The following LHFPL6 variants were observed in gnomAD, a reference collection of about 807,000 sequenced individuals.
LHFPL6 encodes the protein LHFPL tetraspan subfamily member 6 protein.
Under a neutral mutation model 20.6 loss-of-function variants are expected in LHFPL6, and 9 were observed. That is an observed-to-expected ratio of 0.44 (90% CI 0.26 to 0.76). LHFPL6 has a LOEUF of 0.76. LHFPL6 is among the 30% of genes least tolerant of loss of function. LHFPL6 has a pLI of 0.20. For missense variants in LHFPL6, 218 were observed against 253.5 expected (o/e 0.86, Z 0.95); for synonymous variants, 105 against 98.7 (o/e 1.06, Z -0.38).
chr13:39,578,214 G>A (rs1350590436), intron 2 of LHFPL6, among the ~76,000 whole-genome samples: 2 of 152,222 alleles, frequency 1.3e-5, no homozygotes, highest in East Asian at 1.9e-4. Flanking sequence ...GTAAATGGTT[G>A]AATCAATCAT....
intron 2 of LHFPL6, among the ~76,000 whole-genome samples, chr13:39,533,865 G>A (rs1196276447): frequency 6.6e-6 from 1 of 152,138 alleles, no homozygotes; most frequent in Non-Finnish European, 1.5e-5. Flanking sequence ...TGCCAGTGAA[G>A]AACCCGTATT....
intron 2 of LHFPL6, among the ~76,000 whole-genome samples, chr13:39,533,025 C>T (rs1028014405): frequency 6.6e-6 from 1 of 152,198 alleles, no homozygotes; most frequent in Non-Finnish European, 1.5e-5. Context: ...ACCAACTTTA[C>T]ACTAACCAGT....
intron 2 of LHFPL6, among the ~76,000 whole-genome samples, chr13:39,594,590 C>A (rs1295233728): frequency 5.9e-5 from 9 of 152,114 alleles, no homozygotes; most frequent in Non-Finnish European, 1.0e-4. Flanking sequence ...CTAGAAATAC[C>A]ATTTGACCCA....
At chr13:39,519,688 A>C (rs888574235) in intron 2 of LHFPL6, among the ~76,000 whole-genome samples, 4 of 152,368 alleles carry the variant, frequency 2.6e-5, no homozygotes, top group African/African-American at 7.2e-5. Flanking sequence ...CGAGAATAAA[A>C]GTTACAATCT....
chr13:39,526,783 C>G (rs1359375752), intron 2 of LHFPL6, among the ~76,000 whole-genome samples: 2 of 152,206 alleles, frequency 1.3e-5, no homozygotes, highest in Non-Finnish European at 2.9e-5. Flanking sequence ...CACGTGCAAC[C>G]TCATTTTACA....
At chr13:39,591,222 G>A (rs1429279917) in intron 2 of LHFPL6, among the ~76,000 whole-genome samples, 1 of 152,192 alleles carries the variant, frequency 6.6e-6, no homozygotes, top group Non-Finnish European at 1.5e-5. Context: ...AACTAGATCT[G>A]AGCCTACTCT....
At chr13:39,421,505 G>T (rs1310094673) in intron 2 of LHFPL6, among the ~76,000 whole-genome samples, 1 of 152,112 alleles carries the variant, frequency 6.6e-6, no homozygotes, top group African/African-American at 2.4e-5. Context: ...TCACTGGGTG[G>T]ATGACAGTCT....
chr13:39,583,032 T>C (rs774631152), intron 2 of LHFPL6, among the ~76,000 whole-genome samples: 1 of 152,092 alleles, frequency 6.6e-6, no homozygotes, highest in Non-Finnish European at 1.5e-5. Context: ...GCTCTGGAAA[T>C]AGTGCGGTGA....
chr13:39,497,692 A>G (rs1053216491), intron 2 of LHFPL6, among the ~76,000 whole-genome samples: 1 of 152,160 alleles, frequency 6.6e-6, no homozygotes, highest in Admixed American at 6.6e-5. Context: ...TTGATTACAT[A>G]TTTAATCTTC....
intron 2 of LHFPL6, among the ~76,000 whole-genome samples, chr13:39,559,084 C>T (rs73468804): frequency 0.017 from 2,626 of 152,236 alleles, 75 homozygotes; most frequent in African/African-American, 0.06. Flanking sequence ...TCTATCAGAC[C>T]AAAGGCAACA....
At chr13:39,421,721 C>T (rs1422953176) in intron 2 of LHFPL6, among the ~76,000 whole-genome samples, 2 of 149,386 alleles carry the variant, frequency 1.3e-5, no homozygotes, top group East Asian at 2.0e-4. Context: ...GTTTCTACTT[C>T]CCCAAAGCAG....
chr13:39,389,078 T>C (rs1221431259), intron 2 of LHFPL6, among the ~76,000 whole-genome samples: 1 of 152,148 alleles, frequency 6.6e-6, no homozygotes, highest in Non-Finnish European at 1.5e-5. Flanking sequence ...CAATACACTA[T>C]CTCCTGCAAA....
At position 39,378,391 on chromosome 13, in the gene LHFPL6, T is replaced by C. The variant is rs781258440; in HGVS notation, c.484+37A>G. 2.6e-6 allele frequency: 4 copies of C among 1,554,294 alleles called. No homozygotes were observed. The Admixed American group carries it at 6.7e-5, about 26-fold the overall frequency. ...TCTATGAAACATCAGATAAGGTTCTTTTTCTAAAAGGAGTGCCATCCATGA... is the reference window on the plus strand; with the variant it reads ...TCTATGAAACATCAGATAAGGTTCTCTTTCTAAAAGGAGTGCCATCCATGA... On this transcript the variant is annotated intron_variant, in intron 3 of 3. Coordinates refer to ENST00000379589, the MANE Select transcript of LHFPL6 (RefSeq NM_005780.3).
chr13:39,369,052 A>G (rs1870085697), intron 3 of LHFPL6, among the ~76,000 whole-genome samples: 1 of 151,904 alleles, frequency 6.6e-6, no homozygotes, highest in Non-Finnish European at 1.5e-5. Context: ...TTTACATCTG[A>G]AAAGGCAAAC....
chr13:39,362,646 C>T (rs1245917554), intron 3 of LHFPL6, among the ~76,000 whole-genome samples: 5 of 152,280 alleles, frequency 3.3e-5, no homozygotes, highest in African/African-American at 1.2e-4. Flanking sequence ...TGAAAATACT[C>T]AATGACCCTC....
intron 3 of LHFPL6, among the ~76,000 whole-genome samples, chr13:39,373,281 G>A (rs1870205378): frequency 6.6e-6 from 1 of 152,188 alleles, no homozygotes; most frequent in African/African-American, 2.4e-5. Flanking sequence ...TGGTTTCTCT[G>A]CCCACTCCTC....
chr13:39,389,735 C>A (rs1353651431), intron 2 of LHFPL6, among the ~76,000 whole-genome samples: 1 of 152,136 alleles, frequency 6.6e-6, no homozygotes, highest in Non-Finnish European at 1.5e-5. Flanking sequence ...TCAGGAGAAG[C>A]ACATGCAGAG....
chr13:39,541,397 C>T (rs1870793829), intron 2 of LHFPL6, among the ~76,000 whole-genome samples: 1 of 152,230 alleles, frequency 6.6e-6, no homozygotes. Context: ...AAGCTCTCCA[C>T]AGGCCCTCCC....
chr13:39,533,072 T>C (rs765207650), intron 2 of LHFPL6, among the ~76,000 whole-genome samples: 8 of 152,154 alleles, frequency 5.3e-5, no homozygotes, highest in Non-Finnish European at 7.4e-5. Flanking sequence ...AAGCACAGAC[T>C]TAAATAAAGG....
Sources: gnomAD v4.1 joint callset for allele counts (sites outside exome capture counted in the v4.1 genomes callset) on GRCh38, gnomAD v4.1.1 for gene constraint, MANE v1.5 for transcripts, NCBI Gene and HGNC (gene_info 2026-07-23, HGNC 2026-07-21) for gene names.